The following RASA2 variants were observed in gnomAD, a reference collection of about 807,000 sequenced individuals.
The protein encoded by RASA2 is RAS p21 protein activator 2.
Under a neutral mutation model 118.2 loss-of-function variants are expected in RASA2, and 155 were observed. The observed-to-expected ratio is 1.31, with a 90% confidence interval of 1.15 to 1.50. The LOEUF (loss-of-function observed/expected upper bound fraction) is 1.50. Among genes scored for constraint, RASA2 ranks in the 40% most tolerant of loss-of-function variants. RASA2 has a pLI of 0.00. For missense variants in RASA2, 1,016 were observed against 1,009.6 expected, an observed-to-expected ratio of 1.01 and a Z score of -0.09; for synonymous variants, 353 against 349.1, an observed-to-expected ratio of 1.01 and a Z score of -0.12.
At chr3:141,513,916 G>A (rs923438909) in intron 2 of RASA2, among the ~76,000 whole-genome samples, 1 of 152,212 alleles carries the variant, frequency 6.6e-6, no homozygotes, top group South Asian at 2.1e-4. Flanking sequence ...AGAGATTCGC[G>A]TCTTCATAGA....
In RASA2 at chr3:141,581,101, C is replaced by T; in HGVS notation, c.1676C>T (p.Ser559Leu). The T allele has an allele frequency of 6.5e-7, 1 of 1,527,272 alleles. No homozygotes were observed. Among genetic ancestry groups the T allele is most frequent in the South Asian group, 1.3e-5 (1 of 75,984 alleles). The allele number at this position is 1,527,272 out of a possible 1,614,324, so 94.6% of individuals were successfully genotyped here. Reference protein sequence around the residue: ...GSWGSLSKSKSSFKETFMCEF... With the variant: ...GSWGSLSKSKLSFKETFMCEF... ...AACCCTGTGTTTGTTTTTTCTTAGT[C>T]AAGTTTCAAAGAGACATTCATGTGT... Residue 559 changes from serine to leucine, a missense_variant and splice_region_variant, in exon 17 of 24, where the codon TCA becomes TTA. Coordinates refer to ENST00000286364, the MANE Select transcript of RASA2 (RefSeq NM_006506.5).
chr3:141,518,229 G>C (rs983881040), intron 3 of RASA2, among the ~76,000 whole-genome samples: 2 of 151,422 alleles, frequency 1.3e-5, no homozygotes, highest in African/African-American at 4.8e-5. Flanking sequence ...GCTCATGCCT[G>C]TAATCCTAGC....
At chr3:141,568,183 A>G (rs749654909) in intron 9 of RASA2, among the ~76,000 whole-genome samples, 5 of 152,202 alleles carry the variant, frequency 3.3e-5, no homozygotes, top group Admixed American at 6.5e-5. Flanking sequence ...CATTCATTGC[A>G]TGAATATTAT....
intron 3 of RASA2, among the ~76,000 whole-genome samples, chr3:141,527,005 G>A (rs2082194562): frequency 6.6e-6 from 1 of 152,210 alleles, no homozygotes; most frequent in Non-Finnish European, 1.5e-5. Flanking sequence ...AGAGTAGTGA[G>A]TCATAAATAG....
intron 9 of RASA2, among the ~76,000 whole-genome samples, chr3:141,566,025 T>C (rs1423319168): frequency 6.6e-6 from 1 of 152,234 alleles, no homozygotes; most frequent in Non-Finnish European, 1.5e-5. Context: ...AGCTAATAAA[T>C]GTTCTATTAA....
intron 14 of RASA2, among the ~76,000 whole-genome samples, chr3:141,576,638 C>T (rs1274539566): frequency 1.3e-5 from 2 of 152,158 alleles, no homozygotes; most frequent in Non-Finnish European, 2.9e-5. Context: ...AGCCTTGTAT[C>T]ATACTCTTAA....
chr3:141,492,868 ACGCTAACC>A (rs1490171477), intron 1 of RASA2, among the ~76,000 whole-genome samples: 6 of 152,196 alleles, frequency 3.9e-5, no homozygotes, highest in African/African-American at 1.4e-4. Flanking sequence ...CTGTTAAGAG[ACGCTAACC>A]CACTGGACTG....
intron 1 of RASA2, among the ~76,000 whole-genome samples, chr3:141,511,698 G>T (rs1341264429): frequency 6.6e-6 from 1 of 152,072 alleles, no homozygotes; most frequent in African/African-American, 2.4e-5. Flanking sequence ...GGTAAGAAGA[G>T]ACAACGACTA....
At chr3:141,552,457 T>G (rs1459053762) in intron 5 of RASA2, among the ~76,000 whole-genome samples, 3 of 152,190 alleles carry the variant, frequency 2.0e-5, no homozygotes, top group African/African-American at 7.2e-5. Context: ...TCACATAACC[T>G]GTGAGCCTTA....
chr3:141,523,315 G>A (rs372215887), intron 3 of RASA2, among the ~76,000 whole-genome samples: 185 of 152,064 alleles, frequency 1.2e-3, no homozygotes, highest in African/African-American at 4.2e-3. Flanking sequence ...TAGTAGAGAC[G>A]AGGTTTCGCC....
intron 4 of RASA2, among the ~76,000 whole-genome samples, chr3:141,538,839 G>A (rs959642017): frequency 6.6e-6 from 1 of 152,122 alleles, no homozygotes; most frequent in Non-Finnish European, 1.5e-5. Context: ...ATTTCTGGCA[G>A]AATCTCATTA....
chr3:141,613,656 G>T lies in RASA2; in HGVS notation c.*1343G>T, dbSNP rs1393479912. ...AACTGTGACTTATTAATGTAAGTCTGCTAGTAGTACTTTTTTTGTCTGAGC... is the reference window on the plus strand; with the variant it reads ...AACTGTGACTTATTAATGTAAGTCTTCTAGTAGTACTTTTTTTGTCTGAGC... On this transcript the variant is annotated 3_prime_UTR_variant, in exon 24 of 24. Coordinates refer to ENST00000286364, the MANE Select transcript of RASA2 (RefSeq NM_006506.5). The T allele has an allele frequency of 1.3e-5, 2 of 152,148 alleles. No individual in the cohort carries two copies. Among genetic ancestry groups the T allele is most frequent in the African/African-American group, 2.4e-5 (1 of 41,448 alleles). The allele number at this position is 152,148 out of a possible 1,614,324, so 9.4% of individuals were successfully genotyped here. A position where few individuals can be genotyped will look rare whatever the true frequency, so the allele number is the denominator to read the frequency against.
intron 19 of RASA2, among the ~76,000 whole-genome samples, chr3:141,588,437 A>G (rs2083239647): frequency 6.6e-6 from 1 of 152,240 alleles, no homozygotes; most frequent in East Asian, 1.9e-4. Context: ...ACAAGCGTGT[A>G]GCACCCCGTG....
intron 9 of RASA2, among the ~76,000 whole-genome samples, chr3:141,570,217 C>CTT (rs35327031): frequency 0.25 from 36,467 of 145,728 alleles, 5,052 homozygotes; most frequent in Non-Finnish European, 0.33. Flanking sequence ...GTCTTATCTA[C>CTT]TTTTTTTTTT....
chr3:141,532,961 T>G (rs968149703), intron 4 of RASA2, among the ~76,000 whole-genome samples: 11 of 152,280 alleles, frequency 7.2e-5, no homozygotes, highest in Non-Finnish European at 1.5e-4. Flanking sequence ...CCTCTCATTT[T>G]AATAACTATT....
At position 141,574,027 on chromosome 3, in the gene RASA2, CT is replaced by C; in HGVS notation, c.1447del (p.Tyr483IlefsTer3). 6.3e-7 allele frequency: 1 copy of C among 1,588,438 alleles called. No individual in the cohort carries two copies. Among genetic ancestry groups the C allele is most frequent in the South Asian group, 1.1e-5 (1 of 88,354 alleles). On this transcript the variant is annotated frameshift_variant, in exon 14 of 24. Transcript: ENST00000286364. LOFTEE classifies it high-confidence loss of function. ...GCTGCCCCACTGTAATGTGTGATAT[CT>C]TTTATTCTCTAAGGCAGATGGCTAC... ...MSCPTVMCDI[F>X]YSLRQMATQR... is the part of the protein sequence containing the mutation.
chr3:141,523,743 G>T (rs886940625), intron 3 of RASA2, among the ~76,000 whole-genome samples: 3 of 152,140 alleles, frequency 2.0e-5, no homozygotes, highest in Non-Finnish European at 4.4e-5. Context: ...AGTTCTCCCC[G>T]ACCCCTCACT....
chr3:141,574,909 C>T (rs138290169), intron 14 of RASA2, among the ~76,000 whole-genome samples: 1 of 152,266 alleles, frequency 6.6e-6, no homozygotes, highest in Non-Finnish European at 1.5e-5. Flanking sequence ...TTTTAAGGTA[C>T]ATATATCAGT....
chr3:141,555,808 C>G, intron 6 of RASA2, 32 bp from the exon 7 acceptor site: 1 of 1,567,190 alleles, frequency 6.4e-7, no homozygotes, highest in Non-Finnish European at 8.7e-7. Context: ...CTGTTAAGTT[C>G]TACAAGGTAA....
Sources: allele counts gnomAD v4.1 joint callset (sites outside exome capture counted in the v4.1 genomes callset), GRCh38; gene constraint gnomAD v4.1.1; transcripts MANE v1.5; gene names NCBI Gene and HGNC (gene_info 2026-07-23, HGNC 2026-07-21).